Variants in SHISA9 observed in about 807,000 individuals in gnomAD.
SHISA9 encodes the protein shisa family member 9, also known as protein shisa-9.
Under a neutral mutation model 38.0 loss-of-function variants are expected in SHISA9, and 13 were observed. The ratio of observed to expected loss-of-function variants is 0.34; its 90% CI spans 0.22 to 0.54. The LOEUF is 0.54. Among genes scored for constraint, SHISA9 ranks in the 20% least tolerant of loss-of-function variants. The probability of loss-of-function intolerance (pLI) is 0.91; values close to 1 mark genes in which losing one functional copy is unlikely to be tolerated. For missense variants in SHISA9, 538 were observed against 575.8 expected (o/e 0.93, Z 0.67); for synonymous variants, 275 against 242.0 (o/e 1.14, Z -1.27).
At chr16:13,283,719 A>G in the SHISA9 span, among the ~76,000 whole-genome samples, 1 of 151,916 alleles carries the variant, frequency 6.6e-6, no homozygotes, top group Non-Finnish European at 1.5e-5. Flanking sequence ...CAGCCAAACC[A>G]TATCATCTAG....
chr16:13,393,907 G>A, the SHISA9 span, among the ~76,000 whole-genome samples: 4 of 152,174 alleles, frequency 2.6e-5, no homozygotes, highest in Admixed American at 2.0e-4. Context: ...GACAAGTTGG[G>A]TCATTGTTCC....
At chr16:13,299,977 G>T in the SHISA9 span, among the ~76,000 whole-genome samples, 1 of 152,102 alleles carries the variant, frequency 6.6e-6, no homozygotes. Context: ...GTAGGAGTGT[G>T]GTTGCTCAAA....
chr16:13,389,421 G>C, the SHISA9 span, among the ~76,000 whole-genome samples: 15 of 152,112 alleles, frequency 9.9e-5, no homozygotes, highest in Non-Finnish European at 1.9e-4. Flanking sequence ...GTTCTAGATA[G>C]TAATCTATTG....
intron 2 of SHISA9, among the ~76,000 whole-genome samples, chr16:13,142,294 C>T (rs1164278370): frequency 6.6e-6 from 1 of 152,148 alleles, no homozygotes; most frequent in African/African-American, 2.4e-5. Flanking sequence ...TTCCCTAAGC[C>T]CAGATCAGTA....
chr16:13,522,433 A>C, the SHISA9 span, among the ~76,000 whole-genome samples: 1 of 151,944 alleles, frequency 6.6e-6, no homozygotes. Flanking sequence ...TCTAGAAACA[A>C]ATTGGGGATG....
At chr16:13,242,386 C>T (rs77164636), downstream of SHISA9, among the ~76,000 whole-genome samples, 1,059 of 152,296 alleles carry the variant, frequency 7.0e-3, 10 homozygotes, top group East Asian at 0.014. Flanking sequence ...TGTCATTGCA[C>T]TAGAGTGGCC....
In SHISA9 at chr16:13,195,459, G is replaced by A. The variant is rs181756773; in HGVS notation, c.692-7935G>A. Among the ~76,000 whole-genome samples, 319 of 152,276 alleles carry A rather than the reference G, an allele frequency of 2.1e-3. 1 individual carries two copies. The highest frequency in any genetic ancestry group is 7.1e-3 in the African/African-American group (296 of 41,570). On this transcript the variant is annotated intron_variant, in intron 2 of 4. Coordinates refer to ENST00000558583, the MANE Select transcript of SHISA9 (RefSeq NM_001145204.3). The stretch of plus-strand genomic sequence containing the variant: ...ATCAATACATAAATGAGGAAGAAGA[G>A]ACAAATCTTCCATGAGGAATAATTC...
chr16:12,923,975 G>C (rs1050447317), intron 2 of SHISA9, among the ~76,000 whole-genome samples: 1 of 152,172 alleles, frequency 6.6e-6, no homozygotes, highest in Non-Finnish European at 1.5e-5. Context: ...AGTCTCAGGA[G>C]GGGTAGGGAT....
At chr16:13,359,510 TTTTTA>T in the SHISA9 span, among the ~76,000 whole-genome samples, 1 of 152,048 alleles carries the variant, frequency 6.6e-6, no homozygotes, top group South Asian at 2.1e-4. Context: ...GCAATAATAA[TTTTTA>T]TTTTATTTAT....
the SHISA9 span, among the ~76,000 whole-genome samples, chr16:13,301,836 A>G: frequency 6.6e-6 from 1 of 152,212 alleles, no homozygotes; most frequent in African/African-American, 2.4e-5. Flanking sequence ...TACCAAACTT[A>G]TTCTCTTTGA....
chr16:13,462,945 G>A, the SHISA9 span, among the ~76,000 whole-genome samples: 29 of 151,926 alleles, frequency 1.9e-4, no homozygotes, highest in African/African-American at 7.0e-4. Flanking sequence ...CTGAGCGACA[G>A]AGGGAGACTC....
At chr16:13,045,594 TGATGAGGGAGAG>T (rs2073177573) in intron 2 of SHISA9, among the ~76,000 whole-genome samples, 1 of 140,118 alleles carries the variant, frequency 7.1e-6, no homozygotes, top group Admixed American at 7.3e-5. Flanking sequence ...GGCTTACAGA[TGATGAGGGAGAG>T]GGAGAGGGAG....
At chr16:13,137,153 A>C (rs567410077) in intron 2 of SHISA9, among the ~76,000 whole-genome samples, 2 of 152,294 alleles carry the variant, frequency 1.3e-5, no homozygotes, top group East Asian at 1.9e-4. Context: ...CCTTGGCAAC[A>C]ATCCTAACCT....
intron 2 of SHISA9, among the ~76,000 whole-genome samples, chr16:13,011,703 A>T (rs2072678111): frequency 6.6e-6 from 1 of 151,830 alleles, no homozygotes. Flanking sequence ...TTGTATTTTT[A>T]GTGGAGACAG....
intron 2 of SHISA9, among the ~76,000 whole-genome samples, chr16:13,197,280 T>G (rs2050956204): frequency 6.6e-6 from 1 of 152,092 alleles, no homozygotes; most frequent in Non-Finnish European, 1.5e-5. Context: ...TATTCCTCCT[T>G]GGGATATGCT....
intron 2 of SHISA9, among the ~76,000 whole-genome samples, chr16:12,971,564 C>T (rs2072083044): frequency 6.6e-6 from 1 of 152,198 alleles, no homozygotes; most frequent in South Asian, 2.1e-4. Context: ...CCTCCCTGTG[C>T]TCTGGGGATG....
At chr16:13,472,766 C>T in the SHISA9 span, among the ~76,000 whole-genome samples, 1 of 152,044 alleles carries the variant, frequency 6.6e-6, no homozygotes, top group Admixed American at 6.6e-5. Context: ...GTCTTCAAGT[C>T]TTTTCTTCTG....
chr16:13,337,678 C>G, the SHISA9 span, among the ~76,000 whole-genome samples: 5 of 152,042 alleles, frequency 3.3e-5, no homozygotes, highest in Non-Finnish European at 1.5e-5. Context: ...GCTCTGTGTC[C>G]CCACTCAAAT....
chr16:13,432,940 G>A, the SHISA9 span, among the ~76,000 whole-genome samples: 4 of 152,122 alleles, frequency 2.6e-5, no homozygotes, highest in Non-Finnish European at 2.9e-5. Flanking sequence ...AGGAGGGAGA[G>A]GATCAGGAAA....
Sources: allele counts gnomAD v4.1 joint callset (sites outside exome capture counted in the v4.1 genomes callset), GRCh38; gene constraint gnomAD v4.1.1; transcripts MANE v1.5; gene names NCBI Gene and HGNC (gene_info 2026-07-23, HGNC 2026-07-21).